The following SAMD4A variants were observed in gnomAD, a reference collection of about 807,000 sequenced individuals.
SAMD4A encodes the protein protein Smaug homolog 1.
Under a neutral mutation model 81.3 loss-of-function variants are expected in SAMD4A, and 33 were observed. That is an observed-to-expected ratio of 0.41 (90% confidence interval 0.31 to 0.54). The LOEUF is 0.54. Among genes scored for constraint, SAMD4A ranks in the 20% least tolerant of loss-of-function variants. The pLI is 0.37. For synonymous variants in SAMD4A, 389 were observed against 382.1 expected, an observed-to-expected ratio of 1.02 and a Z score of -0.21; for missense variants, 854 against 951.1, an observed-to-expected ratio of 0.90 and a Z score of 1.34.
chr14:54,670,031 T>C (rs1415308571), intron 2 of SAMD4A, among the ~76,000 whole-genome samples: 2 of 152,226 alleles, frequency 1.3e-5, no homozygotes, highest in Non-Finnish European at 2.9e-5. Flanking sequence ...GGCCACGTTG[T>C]GAACGCACTG....
Position 54,685,281 on chromosome 14 carries a change from C to CA in SAMD4A, c.197-16781_197-16780insA, listed in dbSNP as rs760773116. Among the ~76,000 whole-genome samples, 13 of 134,528 alleles carry CA rather than the reference C, an allele frequency of 9.7e-5. 1 individual carries two copies. In the East Asian group the frequency reaches 2.4e-3, roughly 25 times the overall value. 88.3% of individuals were successfully genotyped at this position (134,528 alleles called of 152,430 possible). A position where few individuals can be genotyped will look rare whatever the true frequency, so the allele number is the denominator to read the frequency against. ...TAACTCCCCATTCTTCCTGCCCCCCCCCCCAGCTCCTGGCAGCCACCATTC... is the reference window on the plus strand; with the variant it reads ...TAACTCCCCATTCTTCCTGCCCCCCCACCCCAGCTCCTGGCAGCCACCATTC... On this transcript the variant is annotated intron_variant, in intron 2 of 12. Coordinates refer to ENST00000554335, the MANE Select transcript of SAMD4A (RefSeq NM_015589.6).
chr14:54,628,514 C>G (rs1366419609), intron 2 of SAMD4A, among the ~76,000 whole-genome samples: 1 of 152,074 alleles, frequency 6.6e-6, no homozygotes, highest in Non-Finnish European at 1.5e-5. Context: ...TGGAAATAGG[C>G]CTTCAGTAGG....
At chr14:54,657,880 A>G (rs77290643) in intron 2 of SAMD4A, among the ~76,000 whole-genome samples, 1,946 of 152,340 alleles carry the variant, frequency 0.013, 23 homozygotes, top group East Asian at 0.049. Flanking sequence ...GATCCCATCT[A>G]TCCCAGGATC....
chr14:54,604,664 G>T (rs527423477), intron 2 of SAMD4A, among the ~76,000 whole-genome samples: 8 of 152,054 alleles, frequency 5.3e-5, no homozygotes, highest in African/African-American at 1.9e-4. Flanking sequence ...AATGAAAAAA[G>T]GGCTCCCTGT....
intron 2 of SAMD4A, among the ~76,000 whole-genome samples, chr14:54,607,941 G>A (rs1222903427): frequency 1.3e-5 from 2 of 150,684 alleles, no homozygotes; most frequent in East Asian, 2.0e-4. Context: ...ACTTGAACCC[G>A]GGAGGCAGAG....
At chr14:54,774,142 G>A (rs1261482934) in intron 9 of SAMD4A, among the ~76,000 whole-genome samples, 1 of 152,226 alleles carries the variant, frequency 6.6e-6, no homozygotes, top group African/African-American at 2.4e-5. Flanking sequence ...GGCGCAAGGC[G>A]GCAGGCAGAG....
At chr14:54,640,564 G>A (rs2035151302) in intron 2 of SAMD4A, among the ~76,000 whole-genome samples, 1 of 152,164 alleles carries the variant, frequency 6.6e-6, no homozygotes, top group Non-Finnish European at 1.5e-5. Context: ...TTTGTTTGCA[G>A]ACTTTCTGGT....
At chr14:54,715,258 G>A (rs900621418) in intron 3 of SAMD4A, among the ~76,000 whole-genome samples, 8 of 151,976 alleles carry the variant, frequency 5.3e-5, no homozygotes, top group African/African-American at 1.4e-4. Context: ...TTAAACTCAC[G>A]GGGATTCTCA....
intron 2 of SAMD4A, among the ~76,000 whole-genome samples, chr14:54,653,660 G>C (rs755090957): frequency 5.9e-5 from 9 of 151,976 alleles, no homozygotes; most frequent in Non-Finnish European, 8.8e-5. Flanking sequence ...GTTTTTCACT[G>C]TCCTTCTTGA....
chr14:54,710,350 C>T (rs1398610758), intron 3 of SAMD4A, among the ~76,000 whole-genome samples: 1 of 152,096 alleles, frequency 6.6e-6, no homozygotes, highest in African/African-American at 2.4e-5. Context: ...GTTTAAAACC[C>T]TTTACATAAA....
At chr14:54,784,711 C>T (rs1278373202) in intron 12 of SAMD4A, 91 bp downstream of exon 12, 1 of 1,189,090 alleles carries the variant, frequency 8.4e-7, no homozygotes, top group Non-Finnish European at 1.3e-6. Flanking sequence ...GGCAGGAGCT[C>T]AGGAGAATTG....
At chr14:54,714,284 G>C (rs1002437286) in intron 3 of SAMD4A, among the ~76,000 whole-genome samples, 5 of 152,098 alleles carry the variant, frequency 3.3e-5, no homozygotes, top group Non-Finnish European at 7.4e-5. Context: ...CTAGATTCTA[G>C]TTTTTCTTTT....
chr14:54,775,498 G>T lies in SAMD4A; in HGVS notation c.1917+363G>T, dbSNP rs185982146. 1.4e-4 allele frequency among the ~76,000 whole-genome samples: 22 copies of T among 152,266 alleles called. No individual in the cohort carries two copies. The East Asian group carries it at 4.2e-3, about 29-fold the overall frequency. ...AAGTTTCTTGCCCTTTTTATCCATGGCAAAAAGCTCCTTTGTCTCAGTCCC... is the reference window on the plus strand; with the variant it reads ...AAGTTTCTTGCCCTTTTTATCCATGTCAAAAAGCTCCTTTGTCTCAGTCCC... On this transcript the variant is annotated intron_variant, in intron 10 of 12. Coordinates refer to ENST00000554335, the MANE Select transcript of SAMD4A (RefSeq NM_015589.6).
At chr14:54,757,912 A>C (rs1160556067) in intron 6 of SAMD4A, among the ~76,000 whole-genome samples, 1 of 151,892 alleles carries the variant, frequency 6.6e-6, no homozygotes, top group East Asian at 1.9e-4. Flanking sequence ...CAGCTAGCTC[A>C]CCTCCCTGTG....
intron 2 of SAMD4A, among the ~76,000 whole-genome samples, chr14:54,586,442 T>C (rs1394641722): frequency 1.3e-5 from 2 of 152,214 alleles, no homozygotes; most frequent in Non-Finnish European, 2.9e-5. Context: ...TTAAGTCCCA[T>C]CTATTTATCT....
intron 9 of SAMD4A, among the ~76,000 whole-genome samples, chr14:54,771,244 A>G (rs73274891): frequency 1.3e-5 from 2 of 152,356 alleles, no homozygotes; most frequent in South Asian, 2.1e-4. Context: ...ACAAACATTT[A>G]TTTAGCACTT....
chr14:54,602,670 A>G (rs368197364), intron 2 of SAMD4A, among the ~76,000 whole-genome samples: 1 of 151,594 alleles, frequency 6.6e-6, no homozygotes, highest in African/African-American at 2.4e-5. Context: ...GTGGGGAGGG[A>G]TAGCATTAGG....
At chr14:54,569,684 T>G (rs377657179) in intron 2 of SAMD4A, among the ~76,000 whole-genome samples, 43 of 152,328 alleles carry the variant, frequency 2.8e-4, no homozygotes, top group East Asian at 1.5e-3. Flanking sequence ...CCTGCTCGGT[T>G]TTACTTTCTC....
intron 2 of SAMD4A, among the ~76,000 whole-genome samples, chr14:54,569,071 T>G (rs1337180732): frequency 2.6e-5 from 4 of 151,870 alleles, no homozygotes; most frequent in African/African-American, 9.7e-5. Context: ...AGGGGGAAAT[T>G]CTTTAGTTCA....
Sources: allele counts gnomAD v4.1 joint callset (sites outside exome capture counted in the v4.1 genomes callset), GRCh38; gene constraint gnomAD v4.1.1; transcripts MANE v1.5; gene names NCBI Gene and HGNC (gene_info 2026-07-23, HGNC 2026-07-21).